Variants in OR1L8 observed in about 807,000 individuals in gnomAD.
OR1L8 encodes the protein olfactory receptor family 1 subfamily L member 8, also known as olfactory receptor 1L8.
For missense variants in OR1L8, 330 were observed against 377.4 expected, an observed-to-expected ratio of 0.87 and a Z score of 1.04; for synonymous variants, 148 against 147.0, an observed-to-expected ratio of 1.01 and a Z score of -0.05.
chr9:122,553,208 A>C, the OR1L8 span: 1 of 1,613,370 alleles, frequency 6.2e-7, no homozygotes. Context: ...ACGAACTACA[A>C]GGGATGGGAA....
intron 3 of OR1L8, among the ~76,000 whole-genome samples, chr9:122,574,957 A>T (rs937573458): frequency 2.0e-5 from 3 of 152,068 alleles, no homozygotes; most frequent in South Asian, 2.1e-4. Flanking sequence ...TTATGTATTC[A>T]TGTGGCTTTT....
chr9:122,553,097 C>CT, the OR1L8 span: 734,687 of 1,096,020 alleles, frequency 0.67, 253,087 homozygotes, highest in East Asian at 0.99. Flanking sequence ...TTTTTCTTTT[C>CT]TTTTTCTCCC....
At chr9:122,561,300 CAG>C in the OR1L8 span, among the ~76,000 whole-genome samples, 1 of 152,148 alleles carries the variant, frequency 6.6e-6, no homozygotes, top group Non-Finnish European at 1.5e-5. Flanking sequence ...TTTAGCTCAG[CAG>C]AGTTTGTTAT....
At position 122,568,387 on chromosome 9, in the gene OR1L8, GA is replaced by G; in HGVS notation, c.90del (p.Leu31SerfsTer10). 6.2e-7 allele frequency: 1 copy of G among 1,613,736 alleles called. No homozygotes were observed. The highest frequency in any genetic ancestry group is 8.5e-7 in the Non-Finnish European group (1 of 1,179,654). On this transcript the variant is annotated frameshift_variant, in exon 5 of 5. Transcript: ENST00000641027. LOFTEE classifies it low-confidence loss of function (END_TRUNC). ...SRPEDQKTLF[V>X]LFLIVYLVTI... ...GTGACCAGGTACACGATGAGGAAGA[GA>G]ACAAAGAGTGTCTTTTGGTCCTCAG...
intron 2 of OR1L8, among the ~76,000 whole-genome samples, chr9:122,577,158 AT>A (rs1309765613): frequency 6.6e-6 from 1 of 152,194 alleles, no homozygotes; most frequent in Non-Finnish European, 1.5e-5. Context: ...CATTAAAAAT[AT>A]TTGTTTCTAT....
At chr9:122,553,851 CT>C in the OR1L8 span, 1 of 1,614,062 alleles carries the variant, frequency 6.2e-7, no homozygotes, top group East Asian at 2.2e-5. Context: ...CACTGTTCCC[CT>C]CCTGCTGATC....
At chr9:122,546,836 A>G in the OR1L8 span, among the ~76,000 whole-genome samples, 1 of 152,214 alleles carries the variant, frequency 6.6e-6, no homozygotes. Flanking sequence ...TAATGGACAA[A>G]TAATAATTGT....
At chr9:122,566,498 TCTTA>T (rs377116011), downstream of OR1L8, among the ~76,000 whole-genome samples, 71 of 152,336 alleles carry the variant, frequency 4.7e-4, no homozygotes, top group South Asian at 3.7e-3. Context: ...ATCTTAATTT[TCTTA>T]CTTAATGGCT....
the OR1L8 span, chr9:122,553,372 C>G: frequency 6.2e-7 from 1 of 1,614,096 alleles, no homozygotes; most frequent in Admixed American, 1.7e-5. Flanking sequence ...GCCATCAGCT[C>G]TGACCCACAC....
chr9:122,568,590 G>A lies in OR1L8; in HGVS notation c.-113C>T. ...TGTTTCTTCTGTTTGGTCACAATTAGCTACTGTGCTAATTGTGGGATGGCT... is the reference window on the plus strand; with the variant it reads ...TGTTTCTTCTGTTTGGTCACAATTAACTACTGTGCTAATTGTGGGATGGCT... On this transcript the variant is annotated 5_prime_UTR_variant, in exon 5 of 5. Coordinates refer to ENST00000641027, the MANE Select transcript of OR1L8 (RefSeq NM_001004454.2). 4.5e-6 allele frequency: 3 copies of A among 663,716 alleles called. No homozygotes were observed. In the Middle Eastern group the frequency reaches 1.3e-3, roughly 277 times the overall value. 41.1% of individuals were successfully genotyped at this position (663,716 alleles called of 1,614,324 possible). A position where few individuals can be genotyped will look rare whatever the true frequency, so the allele number is the denominator to read the frequency against.
chr9:122,553,447 C>T, the OR1L8 span: 3 of 1,614,162 alleles, frequency 1.9e-6, no homozygotes, highest in Admixed American at 5.0e-5. Flanking sequence ...TTCACTTCTG[C>T]CTCCATCCCC....
intron 1 of OR1L8, among the ~76,000 whole-genome samples, chr9:122,581,960 T>A (rs943366447): frequency 6.6e-5 from 10 of 152,088 alleles, no homozygotes; most frequent in African/African-American, 2.4e-4. Context: ...AAGACAGAAC[T>A]TTATTTCTTA....
chr9:122,581,941 A>T (rs1272650068), intron 1 of OR1L8, among the ~76,000 whole-genome samples: 1 of 152,172 alleles, frequency 6.6e-6, no homozygotes, highest in African/African-American at 2.4e-5. Context: ...ATGAATAAAT[A>T]AGTAAATAAA....
rs372754158 is a variant in OR1L8, at chr9:122,568,520, A to G, written c.-43T>C. 2 of 1,177,926 alleles carry G rather than the reference A, an allele frequency of 1.7e-6. No individual in the cohort carries two copies. The highest frequency in any genetic ancestry group is 2.4e-6 in the Non-Finnish European group (2 of 823,944). 73.0% of individuals were successfully genotyped at this position (1,177,926 alleles called of 1,614,324 possible). A position where few individuals can be genotyped will look rare whatever the true frequency, so the allele number is the denominator to read the frequency against. ...TAAACAAGAAGTTTTGTCATTTAAC[A>G]TGCTCTGATTTCATAACACCAATCA... On this transcript the variant is annotated 5_prime_UTR_variant, in exon 5 of 5. An upstream start codon of the reference 5' UTR is lost. Coordinates refer to ENST00000641027, the MANE Select transcript of OR1L8 (RefSeq NM_001004454.2).
chr9:122,557,849 C>A, the OR1L8 span, among the ~76,000 whole-genome samples: 2 of 151,940 alleles, frequency 1.3e-5, no homozygotes, highest in African/African-American at 4.8e-5. Flanking sequence ...CTGGTACTTT[C>A]TGTTTGGGAA....
At chr9:122,570,921 T>G (rs551655920) in intron 4 of OR1L8, among the ~76,000 whole-genome samples, 8 of 152,322 alleles carry the variant, frequency 5.3e-5, no homozygotes, top group African/African-American at 1.9e-4. Context: ...TGTTGCCATT[T>G]TTACATACAG....
chr9:122,573,446 G>T (rs186423158), intron 3 of OR1L8, among the ~76,000 whole-genome samples: 2 of 152,308 alleles, frequency 1.3e-5, no homozygotes, highest in East Asian at 1.9e-4. Context: ...ATTCTAATGG[G>T]TATACAGTGG....
downstream of OR1L8, among the ~76,000 whole-genome samples, chr9:122,563,871 C>T (rs1829389019): frequency 6.6e-6 from 1 of 151,836 alleles, no homozygotes; most frequent in African/African-American, 2.4e-5. Flanking sequence ...AGAAACTGTG[C>T]TTTTCCCAAT....
chr9:122,559,350 T>C, the OR1L8 span, among the ~76,000 whole-genome samples: 1,242 of 152,208 alleles, frequency 8.2e-3, 15 homozygotes, highest in African/African-American at 0.029. Flanking sequence ...ATGTGCAGAA[T>C]GTGCAGGTTT....
Sources: gnomAD v4.1 joint callset for allele counts (sites outside exome capture counted in the v4.1 genomes callset) on GRCh38, gnomAD v4.1.1 for gene constraint, MANE v1.5 for transcripts, NCBI Gene and HGNC (gene_info 2026-07-23, HGNC 2026-07-21) for gene names.